The following PCMT1 variants were observed in gnomAD, a reference collection of about 807,000 sequenced individuals.
PCMT1 encodes protein-L-isoaspartate (D-aspartate) O-methyltransferase.
A neutral mutation model predicts 29.2 loss-of-function variants in PCMT1; 9 were observed. The observed-to-expected ratio is 0.31, with a 90% CI of 0.19 to 0.54. The LOEUF (loss-of-function observed/expected upper bound fraction) is 0.54, where lower values mean the gene tolerates loss of function less well. Ranked by LOEUF, PCMT1 falls within the 20% of genes least tolerant of loss-of-function variation. The pLI is 0.95. For synonymous variants in PCMT1, 98 were observed against 97.5 expected, an observed-to-expected ratio of 1.00 and a Z score of -0.03; for missense variants, 184 against 282.2, an observed-to-expected ratio of 0.65 and a Z score of 2.49.
chr6:149,810,427 A>G (rs1776130755), intron 7 of PCMT1, among the ~76,000 whole-genome samples, 189 bp from the exon 8 acceptor site: 1 of 152,208 alleles, frequency 6.6e-6, no homozygotes, highest in African/African-American at 2.4e-5. Context: ...CTGGAGTGGC[A>G]TGGAAGATGT....
chr6:149,779,344 C>CACGTAACTCCCTA (rs1373574632), intron 3 of PCMT1, among the ~76,000 whole-genome samples: 21 of 152,104 alleles, frequency 1.4e-4, no homozygotes, highest in African/African-American at 4.3e-4. Flanking sequence ...TAACTCCTGC[C>CACGTAACTCCCTA]ACAAACTGCT....
intron 1 of PCMT1, chr6:149,765,832 G>A (rs578002787): frequency 2.7e-5 from 5 of 185,926 alleles, no homozygotes; most frequent in South Asian, 9.3e-5. Flanking sequence ...TGGGTGTGGC[G>A]GTGGGCATCT....
At chr6:149,784,058 T>C (rs1787924005) in intron 3 of PCMT1, among the ~76,000 whole-genome samples, 1 of 152,148 alleles carries the variant, frequency 6.6e-6, no homozygotes, top group Non-Finnish European at 1.5e-5. Flanking sequence ...AGGGAGATAA[T>C]TGGGGGAACA....
chr6:149,771,478 A>G (rs1029957785), intron 2 of PCMT1, among the ~76,000 whole-genome samples: 1 of 152,224 alleles, frequency 6.6e-6, no homozygotes, highest in Admixed American at 6.5e-5. Flanking sequence ...ATATGTATAA[A>G]GAATTAAAAA....
intron 7 of PCMT1, among the ~76,000 whole-genome samples, chr6:149,805,958 T>A (rs1471937722): frequency 6.7e-6 from 1 of 148,396 alleles, no homozygotes; most frequent in African/African-American, 2.5e-5. Flanking sequence ...AAAAAAAAAA[T>A]TGAGCAAACT....
At chr6:149,750,264 A>T (rs1409607531) in intron 1 of PCMT1, 1 of 376,540 alleles carries the variant, frequency 2.7e-6, no homozygotes, top group Non-Finnish European at 4.8e-6. Context: ...GCTGTCACTC[A>T]GGTCCGCGTC....
intron 3 of PCMT1, among the ~76,000 whole-genome samples, chr6:149,786,331 T>C (rs1174393223): frequency 2.1e-5 from 1 of 47,928 alleles, no homozygotes; most frequent in Non-Finnish European, 3.5e-5. Flanking sequence ...CCCCCCCACC[T>C]CCCTCCCGGA....
intron 7 of PCMT1, among the ~76,000 whole-genome samples, chr6:149,805,331 C>T (rs112278426): frequency 1.7e-3 from 260 of 152,324 alleles, no homozygotes; most frequent in Non-Finnish European, 3.1e-3. Flanking sequence ...CAGTGGCTCA[C>T]GCCTGTAATC....
intron 1 of PCMT1, among the ~76,000 whole-genome samples, chr6:149,762,371 G>A (rs1786776694): frequency 1.3e-5 from 2 of 151,212 alleles, no homozygotes; most frequent in South Asian, 4.2e-4. Flanking sequence ...TGGCTCTCAA[G>A]CTGTTCTCTA....
intron 7 of PCMT1, among the ~76,000 whole-genome samples, chr6:149,805,412 C>A (rs554677610): frequency 9.1e-5 from 13 of 142,664 alleles, no homozygotes; most frequent in East Asian, 2.1e-4. Flanking sequence ...GGTAACATGG[C>A]GAAACCCCGT....
intron 3 of PCMT1, among the ~76,000 whole-genome samples, chr6:149,774,625 C>T (rs1231333513): frequency 6.6e-6 from 1 of 151,336 alleles, no homozygotes; most frequent in Non-Finnish European, 1.5e-5. Context: ...GCAACCTCCA[C>T]CTCCTAGGTT....
chr6:149,782,609 G>A (rs552073247), intron 3 of PCMT1, among the ~76,000 whole-genome samples: 6 of 152,244 alleles, frequency 3.9e-5, no homozygotes, highest in African/African-American at 1.4e-4. Context: ...AGGCTGAGGA[G>A]GTAATGTCAG....
intron 7 of PCMT1, among the ~76,000 whole-genome samples, chr6:149,802,812 G>T (rs1192000438): frequency 6.6e-6 from 1 of 152,000 alleles, no homozygotes; most frequent in African/African-American, 2.4e-5. Context: ...CCAGCACTTT[G>T]GGAGGCCTAG....
chr6:149,802,856 C>T (rs1361236700), intron 7 of PCMT1, among the ~76,000 whole-genome samples: 2 of 151,806 alleles, frequency 1.3e-5, no homozygotes, highest in African/African-American at 2.4e-5. Flanking sequence ...GAGTTTGAGA[C>T]TAGCCTGGCC....
intron 1 of PCMT1, chr6:149,765,605 G>C (rs1787046810): frequency 3.7e-6 from 1 of 271,572 alleles, no homozygotes; most frequent in African/African-American, 2.4e-5. Context: ...TTGTTACTTG[G>C]AAAGTTTGTA....
intron 2 of PCMT1, chr6:149,772,410 G>T (rs181793028): frequency 3.2e-6 from 1 of 309,980 alleles, no homozygotes; most frequent in Non-Finnish European, 6.3e-6. Flanking sequence ...TTTTTTTTAA[G>T]TTGACAGAAA....
chr6:149,758,725 GTTA>G (rs1348411696), intron 1 of PCMT1, among the ~76,000 whole-genome samples: 1 of 152,090 alleles, frequency 6.6e-6, no homozygotes, highest in African/African-American at 2.4e-5. Flanking sequence ...TCAATTAAAA[GTTA>G]TTAAGGTATA....
At chr6:149,798,446 T>C (rs926086920) in intron 6 of PCMT1, among the ~76,000 whole-genome samples, 2 of 152,214 alleles carry the variant, frequency 1.3e-5, no homozygotes, top group African/African-American at 4.8e-5. Context: ...TAGATTTAAT[T>C]AAATTGAATT....
At chr6:149,804,357 CTATAATT>C (rs767970737) in intron 7 of PCMT1, among the ~76,000 whole-genome samples, 15 of 151,716 alleles carry the variant, frequency 9.9e-5, no homozygotes, top group Non-Finnish European at 1.6e-4. Flanking sequence ...AACATCTTGC[CTATAATT>C]TATAATTTAT....
Sources: gnomAD v4.1 joint callset for allele counts (sites outside exome capture counted in the v4.1 genomes callset) on GRCh38, gnomAD v4.1.1 for gene constraint, MANE v1.5 for transcripts, NCBI Gene and HGNC (gene_info 2026-07-23, HGNC 2026-07-21) for gene names.